The following CATSPERB variants were observed in gnomAD, a reference collection of about 807,000 sequenced individuals.
The protein encoded by CATSPERB is catsper channel auxiliary subunit beta, also known as cation channel sperm-associated auxiliary subunit beta.
In CATSPERB, 93 loss-of-function variants were observed where a neutral mutation model predicts 128.3. The ratio of observed to expected loss-of-function variants is 0.72; its 90% CI spans 0.61 to 0.86. CATSPERB has a LOEUF of 0.86. Ranked by LOEUF, CATSPERB falls within the 40% of genes least tolerant of loss-of-function variation. The probability of loss-of-function intolerance (pLI) is 0.00; values close to 1 mark genes in which losing one functional copy is unlikely to be tolerated. For missense variants in CATSPERB, 1,153 were observed against 1,329.5 expected, an observed-to-expected ratio of 0.87 and a Z score of 2.06; for synonymous variants, 381 against 448.8, an observed-to-expected ratio of 0.85 and a Z score of 1.91.
chr14:91,609,811 T>C (rs1354082594), intron 21 of CATSPERB, among the ~76,000 whole-genome samples: 2 of 152,192 alleles, frequency 1.3e-5, no homozygotes, highest in Non-Finnish European at 2.9e-5. Context: ...CCATCTCCGC[T>C]CACTGCAACC....
chr14:91,585,506 A>C (rs890097294), intron 26 of CATSPERB, among the ~76,000 whole-genome samples: 1 of 152,112 alleles, frequency 6.6e-6, no homozygotes, highest in African/African-American at 2.4e-5. Context: ...GGTAGTTTTT[A>C]AATTTAAATA....
chr14:91,681,914 C>T (rs938627211), intron 11 of CATSPERB, among the ~76,000 whole-genome samples: 3 of 152,150 alleles, frequency 2.0e-5, no homozygotes, highest in East Asian at 1.9e-4. Context: ...CAAGAAAAGA[C>T]CTAAAGCTGT....
Position 91,693,147 on chromosome 14 carries a change from A to G in CATSPERB, c.810T>C (p.Tyr270=). The change falls in exon 9 of 27, where the codon TAT becomes TAC. Residue 270 remains tyrosine (Y), a synonymous_variant. Transcript: ENST00000256343. ...ATACCGATAAGCTGTGGCGTGATGG[A>G]TAACGAAGATCTTCACTTACAAAAA... ...LGLFVSEDLR[Y]PSRHSLSFSR... 1 of 1,612,692 alleles carries G rather than the reference A, an allele frequency of 6.2e-7. No individual in the cohort carries two copies. Among genetic ancestry groups the G allele is most frequent in the Non-Finnish European group, 8.5e-7 (1 of 1,178,960 alleles).
At chr14:91,702,568 G>GT (rs1001073837) in intron 7 of CATSPERB, among the ~76,000 whole-genome samples, 10 of 148,936 alleles carry the variant, frequency 6.7e-5, no homozygotes, top group Non-Finnish European at 1.0e-4. Flanking sequence ...TTTTTGTTTT[G>GT]TTTTTTTTCT....
Position 91,610,464 on chromosome 14 carries a change from A to AG in CATSPERB, c.2598+15dup. The AG allele has an allele frequency of 1.3e-6, 2 of 1,582,008 alleles. No homozygotes were observed. The highest frequency in any genetic ancestry group is 1.7e-6 in the Non-Finnish European group (2 of 1,154,444). ...CATTGCTTCTTAAACCAATATACTT[A>AG]GATTTTTTTTTTTACCGGCAAAGTT... On this transcript the variant is annotated intron_variant, in intron 21 of 26. Coordinates refer to ENST00000256343, the MANE Select transcript of CATSPERB (RefSeq NM_024764.4).
intron 15 of CATSPERB, among the ~76,000 whole-genome samples, chr14:91,647,777 G>C (rs1001592301): frequency 3.3e-5 from 5 of 152,300 alleles, no homozygotes; most frequent in African/African-American, 9.6e-5. Context: ...TGGGGATTAT[G>C]GGAGCTACAA....
intron 16 of CATSPERB, among the ~76,000 whole-genome samples, chr14:91,637,193 C>T (rs1327256174): frequency 6.6e-6 from 1 of 152,108 alleles, no homozygotes; most frequent in African/African-American, 2.4e-5. Flanking sequence ...GAGGTAGGGA[C>T]CATCCCCAAA....
intron 15 of CATSPERB, among the ~76,000 whole-genome samples, chr14:91,648,746 G>A (rs1894651573): frequency 6.6e-6 from 1 of 152,018 alleles, no homozygotes; most frequent in African/African-American, 2.4e-5. Flanking sequence ...TCACATACTT[G>A]TTCAAATCTT....
chr14:91,673,593 A>T (rs371513921), intron 12 of CATSPERB, among the ~76,000 whole-genome samples: 241 of 152,270 alleles, frequency 1.6e-3, no homozygotes, highest in African/African-American at 5.4e-3. Context: ...TTTTTAAAAA[A>T]TCCTTAATGT....
chr14:91,604,500 G>A, intron 22 of CATSPERB: 3 of 1,600,558 alleles, frequency 1.9e-6, no homozygotes, highest in Non-Finnish European at 2.5e-6. Flanking sequence ...ATTACATTAT[G>A]GCCTTCCCCA....
In CATSPERB at chr14:91,660,598, A is replaced by G. The variant is rs555155540; in HGVS notation, c.1288-617T>C. On this transcript the variant is annotated intron_variant, in intron 14 of 26. Transcript: ENST00000256343. Reference sequence around the variant, plus strand: ...AGATCAATTCTGTATTATGATTCCCAGTTGCTACCGCTTTTAATAGCCTGA... The same window carrying G: ...AGATCAATTCTGTATTATGATTCCCGGTTGCTACCGCTTTTAATAGCCTGA... 2.6e-5 allele frequency among the ~76,000 whole-genome samples: 4 copies of G among 152,340 alleles called. No homozygotes were observed. In the East Asian group the frequency reaches 7.7e-4, roughly 29 times the overall value.
chr14:91,661,524 C>CATATATATATATATATATAT (rs58330624), intron 14 of CATSPERB, among the ~76,000 whole-genome samples: 135 of 127,006 alleles, frequency 1.1e-3, no homozygotes, highest in Middle Eastern at 3.9e-3. Flanking sequence ...CAGATGCTAT[C>CATATATATATATATATATAT]ATATATATAT....
At chr14:91,724,679 T>C (rs1431035895) in intron 3 of CATSPERB, among the ~76,000 whole-genome samples, 1 of 152,154 alleles carries the variant, frequency 6.6e-6, no homozygotes, top group South Asian at 2.1e-4. Flanking sequence ...ATATCATTCC[T>C]TACCCAAAAT....
At chr14:91,704,725 T>G in intron 6 of CATSPERB, 24 bp from the exon 7 acceptor site, 1 of 1,604,526 alleles carries the variant, frequency 6.2e-7, no homozygotes, top group Non-Finnish European at 8.5e-7. Context: ...ATTTGGGTGT[T>G]TAAATTGTGG....
chr14:91,676,078 C>T (rs1365712378), intron 11 of CATSPERB, among the ~76,000 whole-genome samples: 1 of 152,034 alleles, frequency 6.6e-6, no homozygotes, highest in Non-Finnish European at 1.5e-5. Context: ...GCAGCAGGAC[C>T]TGAACTTAGA....
chr14:91,622,762 A>G (rs1449829862), intron 18 of CATSPERB, among the ~76,000 whole-genome samples: 1 of 152,150 alleles, frequency 6.6e-6, no homozygotes, highest in South Asian at 2.1e-4. Context: ...TTCCCTTTAT[A>G]GTAAAACTTC....
intron 5 of CATSPERB, among the ~76,000 whole-genome samples, chr14:91,715,324 G>A (rs1490419542): frequency 6.6e-6 from 1 of 152,032 alleles, no homozygotes; most frequent in African/African-American, 2.4e-5. Flanking sequence ...CACTTTGGGA[G>A]GCCGAGGTGG....
chr14:91,727,203 G>A (rs566620594), intron 2 of CATSPERB, among the ~76,000 whole-genome samples: 17 of 152,240 alleles, frequency 1.1e-4, no homozygotes, highest in Middle Eastern at 3.4e-3. Context: ...AAGTTTTGGC[G>A]TAGAAATGAA....
In CATSPERB at chr14:91,694,980, T is replaced by C. The variant is rs145320231; in HGVS notation, c.617-1501A>G. On this transcript the variant is annotated intron_variant, in intron 7 of 26. Transcript: ENST00000256343. ...GTAGAACGAGTCATATTTTGAAGTG[T>C]GAGTTTTAACTCTCAGCTCTTTTCT... 4.1e-3 allele frequency among the ~76,000 whole-genome samples: 625 copies of C among 152,330 alleles called. 6 individuals are homozygous for C. Among genetic ancestry groups the C allele is most frequent in the African/African-American group, 0.015 (610 of 41,566 alleles).
Sources: allele counts gnomAD v4.1 joint callset (sites outside exome capture counted in the v4.1 genomes callset), GRCh38; gene constraint gnomAD v4.1.1; transcripts MANE v1.5; gene names NCBI Gene and HGNC (gene_info 2026-07-23, HGNC 2026-07-21).